The following SAMD5 variants were observed in gnomAD, a reference collection of about 807,000 sequenced individuals.
SAMD5 encodes sterile alpha motif domain-containing protein 5.
A neutral mutation model predicts 11.3 loss-of-function variants in SAMD5; 13 were observed. That is an observed-to-expected ratio of 1.15 (90% CI 0.75 to 1.83). The LOEUF is 1.83. SAMD5 is among the 40% of genes most tolerant of loss of function. The pLI is 0.00. For synonymous variants in SAMD5, 129 were observed against 111.3 expected (o/e 1.16, Z -1.00); for missense variants, 255 against 239.1 (o/e 1.07, Z -0.44).
intron 1 of SAMD5, among the ~76,000 whole-genome samples, chr6:147,532,146 T>G (rs1431076451): frequency 6.6e-6 from 1 of 152,168 alleles, no homozygotes; most frequent in Admixed American, 6.5e-5. Context: ...TAATTAATTT[T>G]TATTTCAGTT....
chr6:147,596,525 C>A (rs915476901), intron 1 of SAMD5, among the ~76,000 whole-genome samples: 2 of 151,414 alleles, frequency 1.3e-5, no homozygotes, highest in Non-Finnish European at 2.9e-5. Context: ...ATATATTTTT[C>A]AGAGAAAATG....
chr6:147,856,677 C>T, the SAMD5 span, among the ~76,000 whole-genome samples: 7 of 152,126 alleles, frequency 4.6e-5, no homozygotes, highest in African/African-American at 1.2e-4. Context: ...GATATGCTCG[C>T]TGAGCCAAAG....
intron 1 of SAMD5, among the ~76,000 whole-genome samples, chr6:147,611,116 C>A (rs542336531): frequency 3.3e-5 from 5 of 152,190 alleles, no homozygotes; most frequent in Non-Finnish European, 5.9e-5. Context: ...AGGTGATCCA[C>A]CCACCTTGGC....
the SAMD5 span, among the ~76,000 whole-genome samples, chr6:147,772,795 C>A: frequency 6.6e-6 from 1 of 152,180 alleles, no homozygotes; most frequent in Non-Finnish European, 1.5e-5. Flanking sequence ...GGACATATCT[C>A]CAAATACAGT....
the SAMD5 span, among the ~76,000 whole-genome samples, chr6:147,843,848 T>C: frequency 6.6e-6 from 1 of 152,154 alleles, no homozygotes; most frequent in African/African-American, 2.4e-5. Flanking sequence ...CAACTCCAAA[T>C]GTATTAAAGA....
the SAMD5 span, among the ~76,000 whole-genome samples, chr6:147,757,602 A>C: frequency 1.3e-5 from 2 of 152,196 alleles, no homozygotes; most frequent in Non-Finnish European, 2.9e-5. Flanking sequence ...TGTTTGTATC[A>C]TAGCAATAGA....
downstream of SAMD5, among the ~76,000 whole-genome samples, chr6:147,571,965 T>C (rs973164703): frequency 1.3e-5 from 2 of 151,268 alleles, no homozygotes; most frequent in African/African-American, 2.5e-5. Flanking sequence ...ACAGATGGGA[T>C]CTGTGAGTAA....
chr6:147,951,649 A>G, the SAMD5 span, among the ~76,000 whole-genome samples: 1 of 152,170 alleles, frequency 6.6e-6, no homozygotes, highest in African/African-American at 2.4e-5. Flanking sequence ...CAAAAAAATA[A>G]AAATGATATT....
chr6:147,622,631 C>T (rs1460889991), intron 1 of SAMD5, among the ~76,000 whole-genome samples: 2 of 152,198 alleles, frequency 1.3e-5, no homozygotes, highest in Non-Finnish European at 2.9e-5. Flanking sequence ...TCACTCATCC[C>T]TGGTGAAAAT....
Position 147,564,628 on chromosome 6 carries a change from C to T in SAMD5, c.*172C>T, listed in dbSNP as rs1000944901. 1.4e-6 allele frequency: 2 copies of T among 1,409,368 alleles called. No individual in the cohort carries two copies. Among genetic ancestry groups the T allele is most frequent in the South Asian group, 1.5e-5 (1 of 65,846 alleles). The allele number at this position is 1,409,368 out of a possible 1,614,324, so 87.3% of individuals were successfully genotyped here. A position where few individuals can be genotyped will look rare whatever the true frequency, so the allele number is the denominator to read the frequency against. On this transcript the variant is annotated 3_prime_UTR_variant, in exon 2 of 2. Coordinates refer to ENST00000367474, the MANE Select transcript of SAMD5 (RefSeq NM_001030060.3). ...ATAATCAACTTAGTAAACTGGGTAA[C>T]TGGCTTATAACAGCTAGAAATAAGG...
intron 1 of SAMD5, among the ~76,000 whole-genome samples, chr6:147,676,648 A>G (rs1790867089): frequency 6.6e-6 from 1 of 152,196 alleles, no homozygotes. Context: ...CATTGTAGGC[A>G]GTCAGTATAT....
At chr6:147,657,569 A>AG (rs1790588899) in intron 1 of SAMD5, among the ~76,000 whole-genome samples, 2 of 152,212 alleles carry the variant, frequency 1.3e-5, no homozygotes, top group Admixed American at 1.3e-4. Flanking sequence ...TTGTCAGCTG[A>AG]GGCTGCTATA....
At chr6:147,713,864 C>G (rs574762835) in intron 1 of SAMD5, among the ~76,000 whole-genome samples, 1 of 152,202 alleles carries the variant, frequency 6.6e-6, no homozygotes, top group South Asian at 2.1e-4. Context: ...CTTTCATCTC[C>G]TTCCTCTTCT....
chr6:147,643,575 T>C (rs564045235), intron 1 of SAMD5, among the ~76,000 whole-genome samples: 96 of 152,296 alleles, frequency 6.3e-4, no homozygotes, highest in African/African-American at 2.1e-3. Flanking sequence ...CCCAAATTCA[T>C]TAGACTTACC....
chr6:147,853,632 T>A, the SAMD5 span, among the ~76,000 whole-genome samples: 1 of 152,214 alleles, frequency 6.6e-6, no homozygotes, highest in South Asian at 2.1e-4. Context: ...ATGAGAATTT[T>A]TTTTTTTTTT....
chr6:147,816,301 A>AAAAAAAAAAAAAAAAAAATCT, the SAMD5 span, among the ~76,000 whole-genome samples: 1 of 66,362 alleles, frequency 1.5e-5, no homozygotes, highest in African/African-American at 1.0e-4. Flanking sequence ...AAAAAAAAAA[A>AAAAAAAAAAAAAAAAAAATCT]ATATATATAT....
At chr6:147,515,592 C>G (rs1450597190) in intron 1 of SAMD5, among the ~76,000 whole-genome samples, 3 of 152,126 alleles carry the variant, frequency 2.0e-5, no homozygotes, top group Admixed American at 1.3e-4. Context: ...ATTTATCCAT[C>G]CATCCATTCA....
intron 1 of SAMD5, among the ~76,000 whole-genome samples, chr6:147,527,080 G>A (rs1788354355): frequency 6.6e-6 from 1 of 152,164 alleles, no homozygotes; most frequent in African/African-American, 2.4e-5. Context: ...TGAAGCTTTG[G>A]ATTGAAAAGC....
chr6:147,822,190 A>G, the SAMD5 span, among the ~76,000 whole-genome samples: 2 of 152,326 alleles, frequency 1.3e-5, no homozygotes, highest in Middle Eastern at 3.4e-3. Context: ...GTAATGTGAC[A>G]GGTGATGTTT....
Sources: allele counts gnomAD v4.1 joint callset (sites outside exome capture counted in the v4.1 genomes callset), GRCh38; gene constraint gnomAD v4.1.1; transcripts MANE v1.5; gene names NCBI Gene and HGNC (gene_info 2026-07-23, HGNC 2026-07-21).